The following PDE3B variants were observed in gnomAD, a reference collection of about 807,000 sequenced individuals.
PDE3B encodes the protein phosphodiesterase 3B, also known as cGMP-inhibited 3',5'-cyclic phosphodiesterase 3B.
PDE3B carries 66 observed loss-of-function variants against 116.8 expected under a neutral mutation model. That is an observed-to-expected ratio of 0.56 (90% confidence interval 0.46 to 0.69). The LOEUF (loss-of-function observed/expected upper bound fraction) is 0.69. Ranked by LOEUF, PDE3B falls within the 30% of genes least tolerant of loss-of-function variation. The pLI, the probability that PDE3B is intolerant of heterozygous loss-of-function variation, is 0.00. For synonymous variants in PDE3B, 595 were observed against 533.6 expected (o/e 1.12, Z -1.59); for missense variants, 1,384 against 1,368.1 (o/e 1.01, Z -0.18).
chr11:14,679,984 G>T (rs571350209), intron 1 of PDE3B, among the ~76,000 whole-genome samples: 2 of 152,102 alleles, frequency 1.3e-5, no homozygotes, highest in Non-Finnish European at 1.5e-5. Context: ...AAATTTTAAG[G>T]ATTCTGAAAG....
rs947684740 is a variant in PDE3B, at chr11:14,851,013, C to T, written c.2520+6987C>T. On this transcript the variant is annotated intron_variant, in intron 12 of 15. Coordinates refer to ENST00000282096, the MANE Select transcript of PDE3B (RefSeq NM_000922.4). ...TTTTTTTTTTTTTTTTTAGTAGAGA[C>T]GGGGTTTCACTGTGTTAGCCGGGAT... Among the ~76,000 whole-genome samples, 17 of 137,076 alleles carry T rather than the reference C, an allele frequency of 1.2e-4. No homozygotes were observed. In the South Asian group the frequency reaches 1.8e-3, roughly 15 times the overall value. 89.9% of individuals were successfully genotyped at this position (137,076 alleles called of 152,430 possible).
intron 1 of PDE3B, among the ~76,000 whole-genome samples, chr11:14,715,298 A>G (rs1390715622): frequency 6.6e-6 from 1 of 152,190 alleles, no homozygotes; most frequent in Admixed American, 6.5e-5. Flanking sequence ...TCTGTGAAGA[A>G]AGTCATTGGT....
chr11:14,789,484 G>A (rs1858318163), intron 4 of PDE3B, among the ~76,000 whole-genome samples: 1 of 151,998 alleles, frequency 6.6e-6, no homozygotes, highest in Non-Finnish European at 1.5e-5. Context: ...GAGAACATGA[G>A]ATAGTTTAGG....
intron 1 of PDE3B, among the ~76,000 whole-genome samples, chr11:14,662,686 T>C (rs527629766): frequency 1.3e-5 from 2 of 152,276 alleles, no homozygotes; most frequent in East Asian, 3.9e-4. Flanking sequence ...GCTGATGCGA[T>C]CAACTGGAAG....
intron 1 of PDE3B, among the ~76,000 whole-genome samples, chr11:14,664,720 G>A (rs1335536624): frequency 1.3e-5 from 2 of 152,186 alleles, no homozygotes; most frequent in Non-Finnish European, 2.9e-5. Flanking sequence ...AAACCAGGAA[G>A]AAGTTGACTC....
intron 5 of PDE3B, among the ~76,000 whole-genome samples, chr11:14,810,099 T>C (rs190546082): frequency 2.0e-5 from 3 of 152,260 alleles, no homozygotes; most frequent in East Asian, 3.9e-4. Flanking sequence ...GCATATAAGA[T>C]TCAGAAAGTT....
chr11:14,781,897 G>A (rs983157339), intron 2 of PDE3B, among the ~76,000 whole-genome samples: 3 of 152,110 alleles, frequency 2.0e-5, no homozygotes, highest in Non-Finnish European at 4.4e-5. Context: ...TGACATGATT[G>A]TATATCTAGA....
rs781885859 is a variant in PDE3B, at chr11:14,866,014, A to G, written c.2887-1492A>G. On this transcript the variant is annotated intron_variant, in intron 14 of 15. Transcript: ENST00000282096. The stretch of plus-strand genomic sequence containing the variant: ...TCCTGGCTTCTCTTCCTTATCTCCA[A>G]TACGACCTTGGTTGGGTAAGTTACT... Among the ~76,000 whole-genome samples the G allele has an allele frequency of 1.2e-4, 19 of 152,228 alleles. No individual in the cohort carries two copies. In the East Asian group the frequency reaches 2.7e-3, roughly 22 times the overall value.
intron 4 of PDE3B, among the ~76,000 whole-genome samples, chr11:14,801,169 C>T (rs996532469): frequency 2.0e-5 from 3 of 152,182 alleles, no homozygotes; most frequent in African/African-American, 4.8e-5. Context: ...TCATCAAACT[C>T]ATTCTCTGTC....
At chr11:14,660,993 T>C (rs937153371) in intron 1 of PDE3B, among the ~76,000 whole-genome samples, 7 of 152,160 alleles carry the variant, frequency 4.6e-5, no homozygotes, top group African/African-American at 1.7e-4. Flanking sequence ...CCAGTTAGAA[T>C]GGCAGTCATT....
intron 11 of PDE3B, among the ~76,000 whole-genome samples, chr11:14,842,777 T>C (rs2133973006): frequency 6.6e-6 from 1 of 152,292 alleles, no homozygotes; most frequent in South Asian, 2.1e-4. Context: ...TTTAAAAAAA[T>C]GCTCTAGTGT....
Position 14,644,052 on chromosome 11 carries a change from C to A in PDE3B, c.-24C>A. ...CGGTACGAGCGGGGTGTGCTGAGTC[C>A]CGTGGCCACCCCCGGCCCCAGCCAT... On this transcript the variant is annotated 5_prime_UTR_variant, in exon 1 of 16. Transcript: ENST00000282096. 4 of 1,480,126 alleles carry A rather than the reference C, an allele frequency of 2.7e-6. No homozygotes were observed. Among genetic ancestry groups the A allele is most frequent in the Non-Finnish European group, 3.6e-6 (4 of 1,126,250 alleles). The allele number at this position is 1,480,126 out of a possible 1,614,324, so 91.7% of individuals were successfully genotyped here.
chr11:14,732,093 G>T (rs190996224), intron 1 of PDE3B, among the ~76,000 whole-genome samples: 2 of 152,308 alleles, frequency 1.3e-5, no homozygotes, highest in East Asian at 3.9e-4. Context: ...ACATGCGGAT[G>T]TCTTGGAGAA....
chr11:14,668,861 T>C (rs1369939085), intron 1 of PDE3B, among the ~76,000 whole-genome samples: 2 of 102,438 alleles, frequency 2.0e-5, no homozygotes, highest in African/African-American at 7.8e-5. Flanking sequence ...ATCCAACCAG[T>C]AGAATTGTTT....
chr11:14,780,677 G>A (rs1024620300), intron 2 of PDE3B, among the ~76,000 whole-genome samples: 2 of 151,998 alleles, frequency 1.3e-5, no homozygotes, highest in African/African-American at 2.4e-5. Flanking sequence ...TGTGTAGAGG[G>A]AAATTTATAG....
At chr11:14,847,694 A>G (rs1487342023) in intron 12 of PDE3B, among the ~76,000 whole-genome samples, 1 of 152,254 alleles carries the variant, frequency 6.6e-6, no homozygotes, top group African/African-American at 2.4e-5. Flanking sequence ...CTGCCATCAG[A>G]GAATAGTACA....
At chr11:14,823,121 G>A (rs931672487) in intron 7 of PDE3B, among the ~76,000 whole-genome samples, 12 of 152,098 alleles carry the variant, frequency 7.9e-5, no homozygotes, top group African/African-American at 2.7e-4. Flanking sequence ...TAGTGCTCCC[G>A]GGGGAGGGAC....
intron 1 of PDE3B, among the ~76,000 whole-genome samples, chr11:14,677,397 G>C (rs895815690): frequency 1.3e-5 from 2 of 152,070 alleles, no homozygotes; most frequent in African/African-American, 4.8e-5. Flanking sequence ...TAACTTTCTA[G>C]ATTACTTCAT....
chr11:14,856,653 G>A (rs1847856056), intron 12 of PDE3B, among the ~76,000 whole-genome samples: 1 of 152,020 alleles, frequency 6.6e-6, no homozygotes, highest in Non-Finnish European at 1.5e-5. Context: ...AGGAGATAGA[G>A]ACTATCCTGG....
Sources: gnomAD v4.1 joint callset for allele counts (sites outside exome capture counted in the v4.1 genomes callset) on GRCh38, gnomAD v4.1.1 for gene constraint, MANE v1.5 for transcripts, NCBI Gene and HGNC (gene_info 2026-07-23, HGNC 2026-07-21) for gene names.